The following UHMK1 variants were observed in gnomAD, a reference collection of about 807,000 sequenced individuals.
UHMK1 encodes serine/threonine-protein kinase Kist.
Under a neutral mutation model 44.0 loss-of-function variants are expected in UHMK1, and 18 were observed. That is an observed-to-expected ratio of 0.41 (90% CI 0.28 to 0.61). The LOEUF is 0.61. Among genes scored for constraint, UHMK1 ranks in the 20% least tolerant of loss-of-function variants. The probability of loss-of-function intolerance (pLI) is 0.31; values close to 1 mark genes in which losing one functional copy is unlikely to be tolerated. For synonymous variants in UHMK1, 231 were observed against 198.5 expected (o/e 1.16, Z -1.38); for missense variants, 463 against 522.5 (o/e 0.89, Z 1.11).
At chr1:162,497,763 T>TG, upstream of UHMK1, 3 of 1,256,224 alleles carry the variant, frequency 2.4e-6, no homozygotes, top group Non-Finnish European at 3.0e-6. Flanking sequence ...CCGCCCCTTC[T>TG]GAGCCCCCCC....
chr1:162,499,185 T>TTA (rs1290828712), intron 1 of UHMK1, among the ~76,000 whole-genome samples: 1 of 152,100 alleles, frequency 6.6e-6, no homozygotes, highest in East Asian at 1.9e-4. Flanking sequence ...TGTTTTAGTT[T>TTA]TTTTTTTTGA....
At chr1:162,517,777 C>A (rs556963265) in intron 6 of UHMK1, among the ~76,000 whole-genome samples, 2 of 151,566 alleles carry the variant, frequency 1.3e-5, no homozygotes, top group African/African-American at 2.4e-5. Flanking sequence ...CCCAGCTACT[C>A]GGGAGGCTGA....
rs1652159704 is a variant in UHMK1 at position 162,524,155 on chromosome 1, A to G, written c.*1605A>G. ...ATCTTTCCCTGCTGGAAGCCTCCTC[A>G]TATTTCCTTATGTTTGCCATGCAGG... On this transcript the variant is annotated 3_prime_UTR_variant, in exon 8 of 8. Transcript: ENST00000489294. 1 of 151,964 alleles carries G rather than the reference A, an allele frequency of 6.6e-6. No homozygotes were observed. Among genetic ancestry groups the G allele is most frequent in the South Asian group, 2.1e-4 (1 of 4,820 alleles). 9.4% of individuals were successfully genotyped at this position (151,964 alleles called of 1,614,324 possible).
chr1:162,514,151 T>C (rs978110692), intron 6 of UHMK1, among the ~76,000 whole-genome samples: 1 of 152,090 alleles, frequency 6.6e-6, no homozygotes, highest in Non-Finnish European at 1.5e-5. Flanking sequence ...TAGCTGGACG[T>C]GGTGGCACAT....
chr1:162,518,823 C>T (rs1651935908), intron 7 of UHMK1, among the ~76,000 whole-genome samples: 1 of 150,904 alleles, frequency 6.6e-6, no homozygotes. Flanking sequence ...CTTTTCTCTA[C>T]TAAAAATACA....
intron 3 of UHMK1, among the ~76,000 whole-genome samples, chr1:162,501,337 T>G (rs1190887612): frequency 6.6e-6 from 1 of 152,084 alleles, no homozygotes; most frequent in East Asian, 1.9e-4. Flanking sequence ...ACCCGGCTAA[T>G]TTTTGTATTT....
In UHMK1 at chr1:162,522,626, C is replaced by CATT; in HGVS notation, c.*76_*77insATT. On this transcript the variant is annotated 3_prime_UTR_variant, in exon 8 of 8. Coordinates refer to ENST00000489294, the MANE Select transcript of UHMK1 (RefSeq NM_175866.5). ...ATTCCACATATGAATGCAGGACTAC[C>CATT]CCCTTACCATTTTAAGAAGGTACTT... 6.2e-6 allele frequency: 9 copies of CATT among 1,449,092 alleles called. No homozygotes were observed. The East Asian group carries it at 2.1e-4, about 33-fold the overall frequency. The allele number at this position is 1,449,092 out of a possible 1,614,324, so 89.8% of individuals were successfully genotyped here. A position where few individuals can be genotyped will look rare whatever the true frequency, so the allele number is the denominator to read the frequency against.
chr1:162,513,344 T>A lies in UHMK1; in HGVS notation c.1024+521T>A, dbSNP rs908681456. On this transcript the variant is annotated intron_variant, in intron 6 of 7. Transcript: ENST00000489294. ...CCCAACAACTTCTATCTCTCTGGTC[T>A]GTCTCTTCTAGCCTTTCCCTATGCT... 2.0e-5 allele frequency among the ~76,000 whole-genome samples: 3 copies of A among 152,366 alleles called. No homozygotes were observed. In the East Asian group the frequency reaches 5.8e-4, roughly 29 times the overall value.
intron 1 of UHMK1, among the ~76,000 whole-genome samples, chr1:162,498,647 G>T (rs1418727297): frequency 6.6e-6 from 1 of 152,054 alleles, no homozygotes; most frequent in South Asian, 2.1e-4. Context: ...ACTACGTCTG[G>T]GCCTTGTGAC....
At chr1:162,519,779 C>A (rs1472040181) in intron 7 of UHMK1, among the ~76,000 whole-genome samples, 1 of 152,166 alleles carries the variant, frequency 6.6e-6, no homozygotes, top group Non-Finnish European at 1.5e-5. Flanking sequence ...CTGTCCTCTA[C>A]ACTATAGAAC....
chr1:162,503,067 ACT>A (rs1261280727), intron 3 of UHMK1, among the ~76,000 whole-genome samples: 7 of 152,316 alleles, frequency 4.6e-5, no homozygotes, highest in South Asian at 4.1e-4. Context: ...ATGTTTTAAT[ACT>A]GCATCATATT....
At chr1:162,510,502 T>TA (rs1173177448) in intron 4 of UHMK1, among the ~76,000 whole-genome samples, 1 of 152,218 alleles carries the variant, frequency 6.6e-6, no homozygotes, top group Non-Finnish European at 1.5e-5. Flanking sequence ...CCTGGCTTAT[T>TA]ATAACACTTA....
chr1:162,508,875 C>T (rs1214376474), intron 4 of UHMK1, among the ~76,000 whole-genome samples: 1 of 151,942 alleles, frequency 6.6e-6, no homozygotes, highest in East Asian at 1.9e-4. Context: ...GGTGTGATCA[C>T]AGCTCACTGC....
At chr1:162,512,460 A>T (rs778009152) in intron 4 of UHMK1, 40 bp from the exon 5 acceptor site, 1 of 1,545,022 alleles carries the variant, frequency 6.5e-7, no homozygotes, top group East Asian at 2.3e-5. Context: ...TTTTCAAAAG[A>T]TTCAGCAGAA....
In UHMK1 at chr1:162,519,392, A is replaced by C. The variant is rs538841080; in HGVS notation, c.1113+1202A>C. On this transcript the variant is annotated intron_variant, in intron 7 of 7. Coordinates refer to ENST00000489294, the MANE Select transcript of UHMK1 (RefSeq NM_175866.5). ...TTCAGCTGGAGAAATGTTTTAGTCTAATTTTGTTCTAATTAGGTAGAGTTA... is the reference window on the plus strand; with the variant it reads ...TTCAGCTGGAGAAATGTTTTAGTCTCATTTTGTTCTAATTAGGTAGAGTTA... 7.9e-5 allele frequency among the ~76,000 whole-genome samples: 12 copies of C among 152,126 alleles called. 1 individual carries two copies. In the South Asian group the frequency reaches 2.3e-3, roughly 29 times the overall value.
intron 7 of UHMK1, among the ~76,000 whole-genome samples, chr1:162,519,259 C>G (rs1472346993): frequency 6.8e-6 from 1 of 148,038 alleles, no homozygotes; most frequent in Non-Finnish European, 1.5e-5. Flanking sequence ...TGAGCTGCAG[C>G]AAGCTGAGAT....
intron 4 of UHMK1, among the ~76,000 whole-genome samples, chr1:162,505,265 C>T (rs1651427142): frequency 6.6e-6 from 1 of 152,164 alleles, no homozygotes; most frequent in African/African-American, 2.4e-5. Context: ...TATTGTCTTA[C>T]TGGAATGTCT....
intron 3 of UHMK1, among the ~76,000 whole-genome samples, chr1:162,503,383 G>A (rs1281765761): frequency 6.6e-6 from 1 of 151,986 alleles, no homozygotes; most frequent in African/African-American, 2.4e-5. Context: ...GCCACGGTGG[G>A]CAGATCACTT....
chr1:162,501,204 C>G, intron 3 of UHMK1, 100 bp downstream of exon 3: 1 of 1,228,766 alleles, frequency 8.1e-7, no homozygotes, highest in South Asian at 1.6e-5. Context: ...GAGTTTCACT[C>G]TTTCACCCAG....
Sources: gnomAD v4.1 joint callset for allele counts (sites outside exome capture counted in the v4.1 genomes callset) on GRCh38, gnomAD v4.1.1 for gene constraint, MANE v1.5 for transcripts, NCBI Gene and HGNC (gene_info 2026-07-23, HGNC 2026-07-21) for gene names.